GRIK2: variants seen among roughly 807,000 people sequenced by gnomAD.
The protein encoded by GRIK2 is glutamate ionotropic receptor kainate type subunit 2.
A neutral mutation model predicts 100.3 loss-of-function variants in GRIK2; 32 were observed. That is an observed-to-expected ratio of 0.32 (90% CI 0.24 to 0.43). The LOEUF (loss-of-function observed/expected upper bound fraction) is 0.43, where lower values mean the gene tolerates loss of function less well. GRIK2 is among the 20% of genes least tolerant of loss of function. GRIK2 has a pLI of 1.00. For synonymous variants in GRIK2, 417 were observed against 389.4 expected (o/e 1.07, Z -0.83); for missense variants, 843 against 1,114.9 (o/e 0.76, Z 3.47).
intron 14 of GRIK2, among the ~76,000 whole-genome samples, chr6:101,984,193 T>C (rs1010213123): frequency 6.6e-6 from 1 of 151,724 alleles, no homozygotes; most frequent in African/African-American, 2.4e-5. Context: ...TTATAAGTGC[T>C]TATTTAATGG....
chr6:101,688,599 G>A (rs571050143), intron 7 of GRIK2, among the ~76,000 whole-genome samples: 1 of 151,854 alleles, frequency 6.6e-6, no homozygotes, highest in African/African-American at 2.4e-5. Context: ...TTCCTCTTCT[G>A]CTTTTCCCTG....
chr6:101,417,254 C>T (rs1003949274), intron 2 of GRIK2, among the ~76,000 whole-genome samples: 1 of 152,160 alleles, frequency 6.6e-6, no homozygotes, highest in African/African-American at 2.4e-5. Context: ...CACCAGGTCC[C>T]TCCCACAACA....
intron 2 of GRIK2, among the ~76,000 whole-genome samples, chr6:101,533,889 T>G (rs1250388498): frequency 6.6e-6 from 1 of 151,970 alleles, no homozygotes; most frequent in African/African-American, 2.4e-5. Context: ...GAATATAGCT[T>G]TATAACATTT....
At chr6:101,692,734 A>G (rs1275503117) in intron 7 of GRIK2, among the ~76,000 whole-genome samples, 1 of 152,064 alleles carries the variant, frequency 6.6e-6, no homozygotes, top group South Asian at 2.1e-4. Context: ...AAAAATGTGT[A>G]ACATTTCACA....
chr6:101,794,135 A>T (rs559966858), intron 7 of GRIK2, among the ~76,000 whole-genome samples: 1 of 152,234 alleles, frequency 6.6e-6, no homozygotes, highest in Admixed American at 6.5e-5. Context: ...TGACCAGGAA[A>T]GGGAACTCCC....
intron 10 of GRIK2, among the ~76,000 whole-genome samples, chr6:101,850,754 A>C (rs1273188277): frequency 6.6e-6 from 1 of 152,078 alleles, no homozygotes; most frequent in Non-Finnish European, 1.5e-5. Flanking sequence ...TACAGATGCC[A>C]GTGGAATGAA....
At chr6:101,785,160 T>A (rs1268561432) in intron 7 of GRIK2, among the ~76,000 whole-genome samples, 1 of 151,624 alleles carries the variant, frequency 6.6e-6, no homozygotes, top group African/African-American at 2.4e-5. Flanking sequence ...ATTTATTTAT[T>A]TTTTTTACTG....
chr6:101,492,004 C>T (rs547104086), intron 2 of GRIK2, among the ~76,000 whole-genome samples: 15 of 151,586 alleles, frequency 9.9e-5, no homozygotes, highest in Admixed American at 8.6e-4. Context: ...TGCATCTCAT[C>T]GAGAGGTACA....
chr6:101,545,591 A>C (rs1029692909), intron 2 of GRIK2, among the ~76,000 whole-genome samples: 2 of 152,178 alleles, frequency 1.3e-5, no homozygotes, highest in East Asian at 3.8e-4. Context: ...TGTTTCATAG[A>C]CACTTGGCTT....
At chr6:101,636,123 G>C (rs1293596792) in intron 4 of GRIK2, among the ~76,000 whole-genome samples, 1 of 152,050 alleles carries the variant, frequency 6.6e-6, no homozygotes, top group African/African-American at 2.4e-5. Context: ...TAATAGACTG[G>C]ATAAAGAAAA....
chr6:101,570,065 A>C (rs2128298685), intron 2 of GRIK2, among the ~76,000 whole-genome samples: 1 of 152,186 alleles, frequency 6.6e-6, no homozygotes, highest in Admixed American at 6.6e-5. Context: ...AACATGCAAA[A>C]ACTGCTTAAG....
intron 2 of GRIK2, among the ~76,000 whole-genome samples, chr6:101,402,806 T>G (rs1775392298): frequency 6.6e-6 from 1 of 152,170 alleles, no homozygotes; most frequent in Non-Finnish European, 1.5e-5. Flanking sequence ...GCACAGGGCA[T>G]CCAGCGCGTC....
intron 14 of GRIK2, among the ~76,000 whole-genome samples, chr6:101,939,792 A>C (rs1449783572): frequency 6.6e-6 from 1 of 152,034 alleles, no homozygotes; most frequent in East Asian, 1.9e-4. Context: ...ACCCAGCCTG[A>C]CTCCAACAAA....
At chr6:101,546,279 T>C (rs995612701) in intron 2 of GRIK2, among the ~76,000 whole-genome samples, 1 of 152,182 alleles carries the variant, frequency 6.6e-6, no homozygotes, top group Non-Finnish European at 1.5e-5. Flanking sequence ...GAAAAGGTGA[T>C]AAATATTTCT....
chr6:101,621,541 T>A (rs1309831742), intron 2 of GRIK2, among the ~76,000 whole-genome samples: 1 of 152,146 alleles, frequency 6.6e-6, no homozygotes, highest in Non-Finnish European at 1.5e-5. Flanking sequence ...TTATAGTATA[T>A]ATCAATGAAG....
intron 2 of GRIK2, among the ~76,000 whole-genome samples, chr6:101,575,415 T>C (rs948588552): frequency 6.6e-6 from 1 of 152,012 alleles, no homozygotes; most frequent in South Asian, 2.1e-4. Flanking sequence ...AATAAGTATA[T>C]GTAGGAAATA....
At chr6:102,027,999 C>G (rs999475342) in intron 14 of GRIK2, among the ~76,000 whole-genome samples, 9 of 151,072 alleles carry the variant, frequency 6.0e-5, no homozygotes, top group Non-Finnish European at 1.3e-4. Flanking sequence ...TATTCTTACA[C>G]TGATATTTTA....
chr6:101,813,978 T>C (rs1337877997), intron 9 of GRIK2, among the ~76,000 whole-genome samples: 1 of 145,046 alleles, frequency 6.9e-6, no homozygotes, highest in African/African-American at 2.6e-5. Context: ...AAAAAAAAAA[T>C]GTTAACTAAA....
intron 7 of GRIK2, among the ~76,000 whole-genome samples, chr6:101,769,893 CT>C (rs1262515147): frequency 1.3e-5 from 2 of 152,162 alleles, no homozygotes; most frequent in African/African-American, 4.8e-5. Flanking sequence ...AAATAATTAC[CT>C]TTGGCTACAG....
Sources: gnomAD v4.1 joint callset for allele counts (sites outside exome capture counted in the v4.1 genomes callset) on GRCh38, gnomAD v4.1.1 for gene constraint, MANE v1.5 for transcripts, NCBI Gene and HGNC (gene_info 2026-07-23, HGNC 2026-07-21) for gene names.